ZNF324B: variants seen among roughly 807,000 people sequenced by gnomAD.
ZNF324B encodes zinc finger protein 324B.
ZNF324B carries 7 observed loss-of-function variants against 10.6 expected under a neutral mutation model. The ratio of observed to expected loss-of-function variants is 0.66; its 90% CI spans 0.38 to 1.24. The LOEUF is 1.24. Among genes scored for constraint, ZNF324B ranks in the 50% most tolerant of loss-of-function variants. The pLI, the probability that ZNF324B is intolerant of heterozygous loss-of-function variation, is 0.02. For missense variants in ZNF324B, 640 were observed against 764.7 expected (o/e 0.84, Z 1.92); for synonymous variants, 316 against 321.0 (o/e 0.98, Z 0.17).
the ZNF324B span, among the ~76,000 whole-genome samples, chr19:58,427,393 T>C: frequency 3.7e-3 from 189 of 50,616 alleles, no homozygotes; most frequent in African/African-American, 0.015. Context: ...TTTCTTTCTT[T>C]CTTTCTTTCT....
chr19:58,449,556 G>C (rs922676279), upstream of ZNF324B, among the ~76,000 whole-genome samples: 1 of 152,358 alleles, frequency 6.6e-6, no homozygotes, highest in East Asian at 1.9e-4. Flanking sequence ...AAGCCACAGA[G>C]CTGCAGCTGC....
chr19:58,448,616 A>G (rs1272067197), upstream of ZNF324B, among the ~76,000 whole-genome samples: 1 of 152,080 alleles, frequency 6.6e-6, no homozygotes, highest in Admixed American at 6.6e-5. Flanking sequence ...AGTCCCAGCT[A>G]CTCAGGAGGC....
In ZNF324B at chr19:58,456,671, A is replaced by G; in HGVS notation, c.*92A>G. On this transcript the variant is annotated 3_prime_UTR_variant, in exon 4 of 4. Transcript: ENST00000336614. This position sits in a 1 kb window ranked among gnomAD's most constrained non-coding sequence, Gnocchi z 4.7. ...AGTGCTCTTCAGATCCACGATGGGGAAAAGCTCTGTGCCTGAGAGTCAGGG... is the reference window on the plus strand; with the variant it reads ...AGTGCTCTTCAGATCCACGATGGGGGAAAGCTCTGTGCCTGAGAGTCAGGG... 2 of 1,440,080 alleles carry G rather than the reference A, an allele frequency of 1.4e-6. No homozygotes were observed. Among genetic ancestry groups the G allele is most frequent in the Non-Finnish European group, 1.9e-6 (2 of 1,069,968 alleles). The allele number at this position is 1,440,080 out of a possible 1,614,324, so 89.2% of individuals were successfully genotyped here. A position where few individuals can be genotyped will look rare whatever the true frequency, so the allele number is the denominator to read the frequency against.
the ZNF324B span, chr19:58,435,413 C>T: frequency 3.4e-6 from 2 of 582,154 alleles, no homozygotes; most frequent in Non-Finnish European, 5.9e-6. Context: ...TAAGGGAGAC[C>T]TCACCAGGGG....
At chr19:58,439,655 AC>A in the ZNF324B span, 1 of 1,271,626 alleles carries the variant, frequency 7.9e-7, no homozygotes, top group Non-Finnish European at 1.1e-6. Flanking sequence ...TGAGGACAGG[AC>A]ACGATCAAGA....
intron 1 of ZNF324B, among the ~76,000 whole-genome samples, chr19:58,453,462 C>A (rs1226274952): frequency 6.6e-6 from 1 of 152,202 alleles, no homozygotes; most frequent in East Asian, 1.9e-4. Flanking sequence ...TTGCTCTAGC[C>A]TGCTTGTGTA....
chr19:58,439,327 T>G, the ZNF324B span, among the ~76,000 whole-genome samples: 5 of 152,176 alleles, frequency 3.3e-5, no homozygotes, highest in African/African-American at 9.7e-5. Context: ...TCAGAGCACC[T>G]ACTTCCTCTA....
chr19:58,434,866 G>T, the ZNF324B span: 1 of 1,614,216 alleles, frequency 6.2e-7, no homozygotes, highest in Non-Finnish European at 8.5e-7. Context: ...TTCCCTGCAA[G>T]TGAAGGGGTT....
the ZNF324B span, among the ~76,000 whole-genome samples, chr19:58,427,431 C>T: frequency 1.6e-4 from 5 of 30,774 alleles, no homozygotes; most frequent in African/African-American, 7.4e-4. Context: ...TCCTTCCTTC[C>T]TTCCTTCCTT....
chr19:58,434,240 G>A, the ZNF324B span: 3 of 1,614,072 alleles, frequency 1.9e-6, no homozygotes, highest in African/African-American at 2.7e-5. Context: ...CACTCATAAG[G>A]TCTTACCTGT....
At chr19:58,448,773 A>C (rs2052838412), upstream of ZNF324B, among the ~76,000 whole-genome samples, 1 of 152,196 alleles carries the variant, frequency 6.6e-6, no homozygotes, top group Admixed American at 6.6e-5. Flanking sequence ...AGAAATTTCT[A>C]AGCAGCAAAG....
At chr19:58,419,023 T>A in the ZNF324B span, 1 of 152,006 alleles carries the variant, frequency 6.6e-6, no homozygotes, top group Non-Finnish European at 1.5e-5. Flanking sequence ...GTCTCTTGAG[T>A]TTTTTCTGCC....
At chr19:58,435,571 T>G in the ZNF324B span, 1 of 185,704 alleles carries the variant, frequency 5.4e-6, no homozygotes, top group Non-Finnish European at 1.1e-5. Context: ...AGATACCACT[T>G]CACATCCACT....
At chr19:58,454,902 C>T (rs970282875) in intron 3 of ZNF324B, 8 of 590,696 alleles carry the variant, frequency 1.4e-5, no homozygotes, top group South Asian at 3.6e-5. Context: ...AGTGTGGAGA[C>T]GTGGGTGGCA....
the ZNF324B span, chr19:58,434,967 C>A: frequency 5.6e-6 from 9 of 1,614,192 alleles, no homozygotes; most frequent in East Asian, 2.0e-4. Flanking sequence ...CCTTCTGGTG[C>A]TGGTGAAGGT....
At chr19:58,423,813 GA>G in the ZNF324B span, among the ~76,000 whole-genome samples, 279 of 151,986 alleles carry the variant, frequency 1.8e-3, 3 homozygotes, top group Admixed American at 0.015. Context: ...CATACATTGG[GA>G]AAGGATACCC....
At chr19:58,439,838 C>A in the ZNF324B span, 1 of 1,537,648 alleles carries the variant, frequency 6.5e-7, no homozygotes. Flanking sequence ...AGGCCCAGGG[C>A]TAGCCCTGCC....
intron 1 of ZNF324B, chr19:58,452,546 A>C: frequency 5.1e-6 from 1 of 195,960 alleles, no homozygotes; most frequent in Non-Finnish European, 9.2e-6. Flanking sequence ...TGTTTGAAGA[A>C]CTAAGTACCC....
chr19:58,437,266 G>A, the ZNF324B span: 69 of 1,528,676 alleles, frequency 4.5e-5, no homozygotes, highest in Middle Eastern at 1.8e-4. Flanking sequence ...GGACCTTGCT[G>A]TGTGACTCAG....
Sources: gnomAD v4.1 joint callset for allele counts (sites outside exome capture counted in the v4.1 genomes callset) on GRCh38, gnomAD v4.1.1 for gene constraint, Gnocchi (gnomAD v3.1) non-coding constraint, MANE v1.5 for transcripts, NCBI Gene and HGNC (gene_info 2026-07-23, HGNC 2026-07-21) for gene names.